The following TRHDE variants were observed in gnomAD, a reference collection of about 807,000 sequenced individuals.
TRHDE encodes thyrotropin releasing hormone degrading enzyme.
In TRHDE, 72 loss-of-function variants were observed where a neutral mutation model predicts 125.7. The observed-to-expected ratio is 0.57, with a 90% CI of 0.47 to 0.70. The LOEUF is 0.70. Ranked by LOEUF, TRHDE falls within the 30% of genes least tolerant of loss-of-function variation. TRHDE has a pLI of 0.00. For missense variants in TRHDE, 1,110 were observed against 1,327.1 expected (o/e 0.84, Z 2.54); for synonymous variants, 509 against 509.1 (o/e 1.00, Z 0.00).
At chr12:72,479,494 C>A (rs1317502998) in intron 5 of TRHDE, among the ~76,000 whole-genome samples, 1 of 151,860 alleles carries the variant, frequency 6.6e-6, no homozygotes, top group Non-Finnish European at 1.5e-5. Flanking sequence ...TGTATATTCA[C>A]TGTATATTAA....
At position 72,456,166 on chromosome 12, in the gene TRHDE, CA is replaced by C. The variant is rs1875840049; in HGVS notation, c.1316-13591del. 1.5e-5 allele frequency among the ~76,000 whole-genome samples: 2 copies of C among 133,502 alleles called. 1 individual carries two copies. The highest frequency in any genetic ancestry group is 4.4e-4 in the South Asian group (2 of 4,578). 87.6% of individuals were successfully genotyped at this position (133,502 alleles called of 152,430 possible). On this transcript the variant is annotated intron_variant, in intron 3 of 18. Transcript: ENST00000261180. ...ACACACACACACACACACACACACACACACACACACAGAGACTCAGAGAGTT... is the reference window on the plus strand; with the variant it reads ...ACACACACACACACACACACACACACCACACACACAGAGACTCAGAGAGTT...
At chr12:72,636,707 G>A (rs1277450912) in intron 15 of TRHDE, among the ~76,000 whole-genome samples, 1 of 152,192 alleles carries the variant, frequency 6.6e-6, no homozygotes, top group African/African-American at 2.4e-5. Flanking sequence ...AAAGTTTTTA[G>A]CATGAAGAGT....
chr12:72,492,170 A>T (rs952206993), intron 5 of TRHDE, among the ~76,000 whole-genome samples: 1 of 151,996 alleles, frequency 6.6e-6, no homozygotes, highest in African/African-American at 2.4e-5. Context: ...TGAGATTTTG[A>T]AATGTTAATT....
chr12:72,394,625 T>C (rs1434396630), intron 3 of TRHDE, among the ~76,000 whole-genome samples: 4 of 152,190 alleles, frequency 2.6e-5, no homozygotes, highest in African/African-American at 9.7e-5. Flanking sequence ...TTGTTTACTT[T>C]TTAACTCTTC....
At chr12:72,168,302 A>C (rs1400125611) in intron 2 of TRHDE, among the ~76,000 whole-genome samples, 1 of 152,226 alleles carries the variant, frequency 6.6e-6, no homozygotes, top group Non-Finnish European at 1.5e-5. Flanking sequence ...AGTTCTGGAC[A>C]TAATTTAGAT....
At chr12:72,439,437 G>C (rs1874895669) in intron 3 of TRHDE, among the ~76,000 whole-genome samples, 1 of 151,678 alleles carries the variant, frequency 6.6e-6, no homozygotes, top group Non-Finnish European at 1.5e-5. Flanking sequence ...ATGAACATGG[G>C]ATTTTTTTCC....
chr12:72,442,149 T>C (rs1042675061), intron 3 of TRHDE, among the ~76,000 whole-genome samples: 1 of 151,902 alleles, frequency 6.6e-6, no homozygotes, highest in African/African-American at 2.4e-5. Flanking sequence ...ACATGAGACT[T>C]ATTTAGGTGG....
chr12:72,379,684 G>T (rs1233545447), intron 3 of TRHDE, among the ~76,000 whole-genome samples: 1 of 152,200 alleles, frequency 6.6e-6, no homozygotes, highest in African/African-American at 2.4e-5. Flanking sequence ...TCAGCTTGCA[G>T]CAGGAAGCAT....
At chr12:72,341,673 G>C (rs1019690334) in intron 2 of TRHDE, among the ~76,000 whole-genome samples, 9 of 152,070 alleles carry the variant, frequency 5.9e-5, no homozygotes, top group African/African-American at 2.2e-4. Context: ...TCTAAAATTA[G>C]TGCATTAATG....
At chr12:72,374,074 G>C (rs929975992) in intron 2 of TRHDE, among the ~76,000 whole-genome samples, 30 of 152,128 alleles carry the variant, frequency 2.0e-4, no homozygotes, top group Non-Finnish European at 3.8e-4. Flanking sequence ...AAATGGAGAA[G>C]GCATGGACCA....
At chr12:72,165,820 G>GC (rs1876734005) in intron 2 of TRHDE, among the ~76,000 whole-genome samples, 2 of 151,802 alleles carry the variant, frequency 1.3e-5, no homozygotes, top group Non-Finnish European at 2.9e-5. Context: ...GACTACAGGC[G>GC]CCCGCCACCA....
chr12:72,136,179 G>T (rs1172371804), intron 2 of TRHDE, among the ~76,000 whole-genome samples: 1 of 152,120 alleles, frequency 6.6e-6, no homozygotes, highest in African/African-American at 2.4e-5. Flanking sequence ...GTGCTATGAG[G>T]CTATATGAAC....
upstream of TRHDE, among the ~76,000 whole-genome samples, chr12:72,267,452 C>G (rs1879093373): frequency 6.6e-6 from 1 of 151,972 alleles, no homozygotes. Flanking sequence ...TACAGATATC[C>G]ATTTTATGCT....
chr12:72,295,856 G>A lies in TRHDE; in HGVS notation c.1188+8902G>A, dbSNP rs189021568. ...TCATTAGACATTCCAATAAGATTGC[G>A]TTACAAATGTAATAATGGTCCATAG... On this transcript the variant is annotated intron_variant, in intron 2 of 18. Coordinates refer to ENST00000261180, the MANE Select transcript of TRHDE (RefSeq NM_013381.3). Among the ~76,000 whole-genome samples, 20 of 151,982 alleles carry A rather than the reference G, an allele frequency of 1.3e-4. No homozygotes were observed. In the East Asian group the frequency reaches 1.6e-3, roughly 12 times the overall value.
At position 72,640,364 on chromosome 12, in the gene TRHDE, C is replaced by T. The variant is rs563351852; in HGVS notation, c.2676-11958C>T. On this transcript the variant is annotated intron_variant, in intron 15 of 18. Coordinates refer to ENST00000261180, the MANE Select transcript of TRHDE (RefSeq NM_013381.3). ...GGCAATGCCTCGCCCTGCTTTGGCT[C>T]GCGCACGGTGCGTGCACCCACTGAC... Among the ~76,000 whole-genome samples, 800 of 152,324 alleles carry T rather than the reference C, an allele frequency of 5.3e-3. 7 individuals are homozygous for T. Among genetic ancestry groups the T allele is most frequent in the Admixed American group, 0.012 (179 of 15,304 alleles).
intron 2 of TRHDE, among the ~76,000 whole-genome samples, chr12:72,125,011 A>G (rs1875680624): frequency 6.6e-6 from 1 of 152,202 alleles, no homozygotes; most frequent in Non-Finnish European, 1.5e-5. Context: ...TATTCCTAAT[A>G]TAAATCCTCC....
chr12:72,536,959 A>G (rs974533055), intron 6 of TRHDE, among the ~76,000 whole-genome samples: 6 of 151,910 alleles, frequency 3.9e-5, no homozygotes, highest in African/African-American at 1.5e-4. Flanking sequence ...TTCTTGCTAT[A>G]CCCCATGTTT....
chr12:72,401,526 G>A (rs995903854), intron 3 of TRHDE, among the ~76,000 whole-genome samples: 14 of 152,068 alleles, frequency 9.2e-5, no homozygotes, highest in African/African-American at 3.1e-4. Flanking sequence ...CTTTACACTG[G>A]CAATTGACAA....
intron 2 of TRHDE, among the ~76,000 whole-genome samples, chr12:72,291,530 G>A (rs746931408): frequency 3.9e-5 from 6 of 152,310 alleles, no homozygotes; most frequent in African/African-American, 7.2e-5. Context: ...TCATAATTGC[G>A]TTAAAGTACA....
Sources: gnomAD v4.1 joint callset for allele counts (sites outside exome capture counted in the v4.1 genomes callset) on GRCh38, gnomAD v4.1.1 for gene constraint, MANE v1.5 for transcripts, NCBI Gene and HGNC (gene_info 2026-07-23, HGNC 2026-07-21) for gene names.